ZNF557: variants seen among roughly 807,000 people sequenced by gnomAD.
The protein encoded by ZNF557 is CTB-25J19.9.
In ZNF557, 19 loss-of-function variants were observed where a neutral mutation model predicts 21.2. The ratio of observed to expected loss-of-function variants is 0.90; its 90% CI spans 0.63 to 1.32. The LOEUF is 1.32. ZNF557 is among the 40% of genes most tolerant of loss of function. ZNF557 has a pLI of 0.00. For synonymous variants in ZNF557, 207 were observed against 194.8 expected (o/e 1.06, Z -0.52); for missense variants, 487 against 519.8 (o/e 0.94, Z 0.61).
At chr19:7,072,786 C>G (rs1410510676) in intron 2 of ZNF557, among the ~76,000 whole-genome samples, 1 of 152,198 alleles carries the variant, frequency 6.6e-6, no homozygotes, top group Non-Finnish European at 1.5e-5. Context: ...ACATATCACT[C>G]TGAAATGCAG....
chr19:7,075,551 A>G (rs918964660), intron 3 of ZNF557, 104 bp from the exon 4 acceptor site: 1 of 1,091,414 alleles, frequency 9.2e-7, no homozygotes, highest in Non-Finnish European at 1.4e-6. Flanking sequence ...GTGACTGTGT[A>G]TGCATGGGGA....
chr19:7,076,680 T>C (rs1977592825), intron 5 of ZNF557, among the ~76,000 whole-genome samples, 173 bp downstream of exon 5: 2 of 152,152 alleles, frequency 1.3e-5, no homozygotes, highest in Admixed American at 1.3e-4. Flanking sequence ...TCACCACTAA[T>C]TCCAGAACAT....
chr19:7,074,337 C>CACAT (rs1555729375), intron 2 of ZNF557, among the ~76,000 whole-genome samples: 2 of 151,252 alleles, frequency 1.3e-5, no homozygotes, highest in Non-Finnish European at 2.9e-5. Context: ...TATATACACA[C>CACAT]ACACACACAC....
At chr19:7,073,997 G>C (rs1247397533) in intron 2 of ZNF557, among the ~76,000 whole-genome samples, 1 of 102,904 alleles carries the variant, frequency 9.7e-6, no homozygotes, top group African/African-American at 4.0e-5. Context: ...ACACACCCTT[G>C]ACCACTTTTT....
chr19:7,083,002 A>G lies in ZNF557; in HGVS notation c.551A>G (p.Glu184Gly). ...HTGERPYGCS[E>G]CGKSYSSRSY... ...GGAGAAAGACCCTATGGCTGCAGTG[A>G]ATGTGGGAAATCCTACAGCAGTAGA... The change falls in exon 8 of 8, where the codon GAA (glutamate) becomes GGA (glycine). Residue 184 changes from glutamate (E) to glycine (G), a missense_variant. Glu to Gly is a moderately conservative substitution (Grantham distance 98). Transcript: ENST00000252840. 1 of 1,614,200 alleles carries G rather than the reference A, an allele frequency of 6.2e-7. No homozygotes were observed. Among genetic ancestry groups the G allele is most frequent in the Non-Finnish European group, 8.5e-7 (1 of 1,180,030 alleles).
In ZNF557 at chr19:7,072,222, G is replaced by A. The variant is rs1197424874; in HGVS notation, c.-80+1569G>A. ...GCAGATCGCCTGAGGTCAGGAGTTC[G>A]AGACCAGCCTGGCCAACATGGCAAA... On this transcript the variant is annotated intron_variant, in intron 2 of 7. Coordinates refer to ENST00000252840, the MANE Select transcript of ZNF557 (RefSeq NM_024341.3). Among the ~76,000 whole-genome samples, 11 of 151,668 alleles carry A rather than the reference G, an allele frequency of 7.3e-5. No individual in the cohort carries two copies. In the South Asian group the frequency reaches 8.3e-4, roughly 11 times the overall value.
intron 3 of ZNF557, 138 bp downstream of exon 3, chr19:7,075,243 T>G (rs575285602): frequency 1.6e-6 from 2 of 1,226,850 alleles, no homozygotes; most frequent in African/African-American, 3.0e-5. Flanking sequence ...CCGTGTCTGA[T>G]CGGGCGGCTC....
rs1203614202 is a variant in ZNF557, at chr19:7,075,679, C to G, written c.56C>G (p.Ser19Cys). The G allele has an allele frequency of 1.2e-6, 2 of 1,613,688 alleles. No individual in the cohort carries two copies. Among genetic ancestry groups the G allele is most frequent in the Non-Finnish European group, 1.7e-6 (2 of 1,179,738 alleles). The part of the protein sequence containing the change: ...TAALSSLFPA[S>C]QREGHTEGGE... The stretch of plus-strand genomic sequence containing the variant: ...GCTCTGTCTTCCCTGTTCCCAGCCT[C>G]TCAGCGAGAAGGACACACAGAGGGC... Residue 19 changes from serine (S) to cysteine (C), a missense_variant, in exon 4 of 8, where the codon TCT becomes TGT. Coordinates refer to ENST00000252840, the MANE Select transcript of ZNF557 (RefSeq NM_024341.3).
chr19:7,070,617 C>T lies in ZNF557; in HGVS notation c.-116C>T, dbSNP rs1274933081. 6.6e-6 allele frequency: 1 copy of T among 152,166 alleles called. No homozygotes were observed. The highest frequency in any genetic ancestry group is 2.4e-5 in the African/African-American group (1 of 41,420). The allele number at this position is 152,166 out of a possible 1,614,324, so 9.4% of individuals were successfully genotyped here. ...GTGTTGAAACCAGCCTCAAGTTTCA[C>T]CTATCCTCACTGATCCGTGGACTTC... is the stretch of plus-strand genomic sequence containing the variant. On this transcript the variant is annotated 5_prime_UTR_variant, in exon 2 of 8. Transcript: ENST00000252840.
chr19:7,077,066 A>G (rs1977598318), intron 5 of ZNF557, among the ~76,000 whole-genome samples: 2 of 150,888 alleles, frequency 1.3e-5, no homozygotes, highest in Non-Finnish European at 3.0e-5. Context: ...GACATTTTAT[A>G]TAAATGAAAT....
At chr19:7,072,143 G>A (rs1437035520) in intron 2 of ZNF557, among the ~76,000 whole-genome samples, 1 of 139,870 alleles carries the variant, frequency 7.1e-6, no homozygotes, top group African/African-American at 2.7e-5. Context: ...AAAAAATACA[G>A]CCAGGCACAG....
chr19:7,082,853 C>G, intron 7 of ZNF557, 25 bp from the exon 8 acceptor site: 1 of 1,530,076 alleles, frequency 6.5e-7, no homozygotes, highest in Non-Finnish European at 8.8e-7. Context: ...ATAAATGGTA[C>G]TTATTGTCAT....
intron 7 of ZNF557, among the ~76,000 whole-genome samples, 187 bp downstream of exon 7, chr19:7,082,239 T>A (rs2145176001): frequency 6.6e-6 from 1 of 151,770 alleles, no homozygotes; most frequent in Non-Finnish European, 1.5e-5. Context: ...GCCAATACGG[T>A]GAAACCCCAT....
At chr19:7,073,411 C>T (rs1046874639) in intron 2 of ZNF557, among the ~76,000 whole-genome samples, 1 of 152,172 alleles carries the variant, frequency 6.6e-6, no homozygotes, top group African/African-American at 2.4e-5. Flanking sequence ...CCACCTCGGC[C>T]TCCCAAAGTG....
intron 5 of ZNF557, among the ~76,000 whole-genome samples, chr19:7,081,125 C>T (rs1367260744): frequency 6.6e-6 from 1 of 150,690 alleles, no homozygotes; most frequent in Non-Finnish European, 1.5e-5. Context: ...AGTTATCCTG[C>T]AACCACCCTA....
intron 5 of ZNF557, 28 bp downstream of exon 5, chr19:7,076,535 T>C (rs761381576): frequency 2.7e-5 from 44 of 1,604,704 alleles, no homozygotes; most frequent in African/African-American, 4.0e-5. Flanking sequence ...CCTGCATTTA[T>C]TTAATGACTC....
intron 5 of ZNF557, among the ~76,000 whole-genome samples, chr19:7,081,150 G>GGTGTGTGT (rs531191945): frequency 9.3e-5 from 13 of 139,190 alleles, no homozygotes; most frequent in South Asian, 2.4e-4. Context: ...TTGCTTGTGG[G>GGTGTGTGT]GTGTGTGTGT....
rs142878848 is a variant in ZNF557, at chr19:7,076,446, T to G, written c.186T>G (p.Pro62=). The stretch of plus-strand genomic sequence containing the variant: ...AGGAGGAGTGGGCATTGCTGGACCC[T>G]GCCCAAAGGACACTGTACAGGGACG... The part of the protein sequence containing the change: ...FTQEEWALLD[P]AQRTLYRDVM... The change falls in exon 5 of 8, where the codon CCT becomes CCG. Residue 62 remains proline (P), a synonymous_variant. Transcript: ENST00000252840. The G allele has an allele frequency of 0.022, 36,211 of 1,614,150 alleles. 514 individuals are homozygous for G. The highest frequency in any genetic ancestry group is 0.027 in the Non-Finnish European group (32,083 of 1,180,034).
In ZNF557 at chr19:7,084,345, G is replaced by T; in HGVS notation, c.*601G>T. ...TGAAATCAGTGGAGGAAAGCCTTCAGCTGACCCTCATTTTTTTTTTTTTAA... is the reference window on the plus strand; with the variant it reads ...TGAAATCAGTGGAGGAAAGCCTTCATCTGACCCTCATTTTTTTTTTTTTAA... On this transcript the variant is annotated 3_prime_UTR_variant, in exon 8 of 8. Coordinates refer to ENST00000252840, the MANE Select transcript of ZNF557 (RefSeq NM_024341.3). 6.6e-6 allele frequency: 1 copy of T among 152,398 alleles called. No individual in the cohort carries two copies. The highest frequency in any genetic ancestry group is 1.5e-5 in the Non-Finnish European group (1 of 68,456). 9.4% of individuals were successfully genotyped at this position (152,398 alleles called of 1,614,324 possible).
Sources: gnomAD v4.1 joint callset for allele counts (sites outside exome capture counted in the v4.1 genomes callset) on GRCh38, gnomAD v4.1.1 for gene constraint, MANE v1.5 for transcripts, NCBI Gene and HGNC (gene_info 2026-07-23, HGNC 2026-07-21) for gene names.